The following HPS4 variants were observed in gnomAD, a reference collection of about 807,000 sequenced individuals.
HPS4 encodes the protein HPS4 biogenesis of lysosomal organelles complex 3 subunit 2, also known as BLOC-3 complex member HPS4.
In HPS4, 44 loss-of-function variants were observed where a neutral mutation model predicts 70.3. The observed-to-expected ratio is 0.63, with a 90% CI of 0.49 to 0.80. The LOEUF (loss-of-function observed/expected upper bound fraction) is 0.80. Among genes scored for constraint, HPS4 ranks in the 30% least tolerant of loss-of-function variants. The pLI, the probability that HPS4 is intolerant of heterozygous loss-of-function variation, is 0.00. For synonymous variants in HPS4, 377 were observed against 355.9 expected (o/e 1.06, Z -0.67); for missense variants, 873 against 884.4 (o/e 0.99, Z 0.16).
intron 4 of HPS4, 84 bp from the exon 5 acceptor site, chr22:26,473,023 T>C (rs568674217): frequency 5.2e-6 from 6 of 1,160,830 alleles, no homozygotes; most frequent in Admixed American, 1.7e-5. Context: ...GGCTCTCAAT[T>C]ACCTGACTTC....
chr22:26,463,189 A>G (rs147767181), intron 11 of HPS4, among the ~76,000 whole-genome samples: 1 of 152,340 alleles, frequency 6.6e-6, no homozygotes, highest in African/African-American at 2.4e-5. Context: ...AGGGAAGGTC[A>G]GTTTACCACT....
rs781082499 is a variant in HPS4 at position 26,464,158 on chromosome 22, T to C, written c.1472A>G (p.Asp491Gly). 1.2e-6 allele frequency: 2 copies of C among 1,614,238 alleles called. No individual in the cohort carries two copies. The highest frequency in any genetic ancestry group is 8.5e-7 in the Non-Finnish European group (1 of 1,180,044). ...TTCACAGACCCCATCAACATCCTCA[T>C]CCAGGCCTTGTTCCCCCGTGGGAAG... ...NKLPTGEQGL[D>G]EDVDGVCESH... is the part of the protein sequence containing the mutation. Residue 491 changes from aspartate (D) to glycine (G), a missense_variant, in exon 11 of 14, where the codon GAT (aspartate) becomes GGT (glycine). Physicochemically the swap from Asp to Gly is moderately conservative, Grantham distance 94 (BLOSUM62 -1). Transcript: ENST00000398145.
downstream of HPS4, among the ~76,000 whole-genome samples, chr22:26,447,433 T>C (rs1452272856): frequency 1.3e-5 from 2 of 152,138 alleles, no homozygotes; most frequent in Non-Finnish European, 2.9e-5. Flanking sequence ...CAAGTTTGAG[T>C]TGTGGTTTCT....
exon 4 of HPS4, chr22:26,444,511 CTG>C (rs1568987436): frequency 6.6e-6 from 1 of 152,150 alleles, no homozygotes; most frequent in African/African-American, 2.4e-5. Flanking sequence ...TAGAAATAGC[CTG>C]TGTTAGCTGA....
intron 4 of HPS4, among the ~76,000 whole-genome samples, chr22:26,473,309 T>C (rs2090094603): frequency 6.6e-6 from 1 of 152,226 alleles, no homozygotes. Context: ...GGACAGTAGA[T>C]GTTTAATCTG....
chr22:26,446,653 A>G (rs144826195), downstream of HPS4, among the ~76,000 whole-genome samples: 539 of 152,330 alleles, frequency 3.5e-3, 6 homozygotes, highest in African/African-American at 0.012. Flanking sequence ...CAGCCTGGAC[A>G]TTAAAGTCTG....
rs1465690743 is a variant in HPS4, at chr22:26,453,085, C to CA, written c.*147dup. ...TGCCCCCAAAACACATCCCAATCTG[C>CA]AAAAGGAATAACAAAAACTCAAATA... On this transcript the variant is annotated 3_prime_UTR_variant, in exon 14 of 14. Coordinates refer to ENST00000398145, the MANE Select transcript of HPS4 (RefSeq NM_022081.6). 10 of 888,094 alleles carry CA rather than the reference C, an allele frequency of 1.1e-5. No homozygotes were observed. The Admixed American group carries it at 1.3e-4, about 11-fold the overall frequency. The allele number at this position is 888,094 out of a possible 1,614,324, so 55.0% of individuals were successfully genotyped here. A position where few individuals can be genotyped will look rare whatever the true frequency, so the allele number is the denominator to read the frequency against.
chr22:26,476,912 TA>T, intron 4 of HPS4, 80 bp downstream of exon 4: 4 of 1,507,996 alleles, frequency 2.7e-6, no homozygotes, highest in Non-Finnish European at 3.7e-6. Context: ...CAGATAATTC[TA>T]AATTCAAGAC....
At chr22:26,480,516 A>G (rs992019802) in intron 2 of HPS4, among the ~76,000 whole-genome samples, 14 of 152,154 alleles carry the variant, frequency 9.2e-5, no homozygotes, top group African/African-American at 3.4e-4. Flanking sequence ...TTATGAGGCT[A>G]TAGCATAAAC....
Position 26,464,679 on chromosome 22 carries a change from A to G in HPS4, c.951T>C (p.Ala317=). 6.2e-7 allele frequency: 1 copy of G among 1,610,566 alleles called. No homozygotes were observed. Among genetic ancestry groups the G allele is most frequent in the Non-Finnish European group, 8.5e-7 (1 of 1,177,178 alleles). Residue 317 remains alanine, a synonymous_variant, in exon 11 of 14, where the codon GCT becomes GCC. Coordinates refer to ENST00000398145, the MANE Select transcript of HPS4 (RefSeq NM_022081.6). Reference sequence around the variant, plus strand: ...CGTTCTCCTTCCTGCCATCTGGACAAGCTTCGTCAGGGGATGTGGGATCTG... The same window carrying G: ...CGTTCTCCTTCCTGCCATCTGGACAGGCTTCGTCAGGGGATGTGGGATCTG... ...TTPDPTSPDE[A]CPDGRKENGC... is the part of the protein sequence containing the mutation.
intron 8 of HPS4, chr22:26,467,350 T>TA (rs1303899785): frequency 3.3e-5 from 5 of 152,340 alleles, no homozygotes; most frequent in African/African-American, 1.2e-4. Context: ...AGCAGCCAAA[T>TA]AAAACTTCAT....
chr22:26,474,502 G>A (rs2090261594), intron 4 of HPS4, among the ~76,000 whole-genome samples: 1 of 151,966 alleles, frequency 6.6e-6, no homozygotes, highest in Admixed American at 6.6e-5. Flanking sequence ...AAAAAAGGGA[G>A]ACTATCTCCT....
chr22:26,443,344 A>T, downstream of HPS4: 2 of 679,514 alleles, frequency 2.9e-6, no homozygotes, highest in South Asian at 1.8e-5. Context: ...GGGATTTTAT[A>T]TCATGTCGGG....
At chr22:26,443,152 C>T (rs764905985), downstream of HPS4, 11 of 1,614,148 alleles carry the variant, frequency 6.8e-6, no homozygotes, top group East Asian at 2.2e-5. Context: ...GGCATCCAAA[C>T]GTCGCAGCGG....
At chr22:26,457,514 T>A (rs918209983) in intron 13 of HPS4, among the ~76,000 whole-genome samples, 3 of 152,168 alleles carry the variant, frequency 2.0e-5, no homozygotes, top group African/African-American at 4.8e-5. Context: ...CCCAGCCATA[T>A]TACTTTGTAA....
chr22:26,466,773 G>A (rs1569078328), intron 8 of HPS4: 1 of 156,020 alleles, frequency 6.4e-6, no homozygotes. Context: ...CCTAAAACCT[G>A]ATGATTTTCT....
At chr22:26,453,821 AGAGT>A (rs1450746703) in intron 13 of HPS4, 1 of 273,614 alleles carries the variant, frequency 3.7e-6, no homozygotes, top group African/African-American at 2.2e-5. Flanking sequence ...CCTGAGGCTC[AGAGT>A]GAGTAGCTGG....
At chr22:26,471,621 G>A (rs1569099634) in intron 6 of HPS4, among the ~76,000 whole-genome samples, 2 of 152,344 alleles carry the variant, frequency 1.3e-5, no homozygotes, top group East Asian at 3.9e-4. Flanking sequence ...GCTACAGGAA[G>A]TTTTCCAGAC....
rs1306835654 is a variant in HPS4, at chr22:26,464,933, T to C, written c.804-107A>G. The stretch of plus-strand genomic sequence containing the variant: ...CAGGCATCAAGGACAAGGGGGTGCC[T>C]GAGGCCACAGAGCCTAAGAGGCCAC... On this transcript the variant is annotated intron_variant, in intron 10 of 13. Transcript: ENST00000398145. 21 of 1,059,572 alleles carry C rather than the reference T, an allele frequency of 2.0e-5. 1 individual carries two copies. The South Asian group carries it at 2.8e-4, about 14-fold the overall frequency. The allele number at this position is 1,059,572 out of a possible 1,614,324, so 65.6% of individuals were successfully genotyped here. A position where few individuals can be genotyped will look rare whatever the true frequency, so the allele number is the denominator to read the frequency against.
Sources: allele counts gnomAD v4.1 joint callset (sites outside exome capture counted in the v4.1 genomes callset), GRCh38; gene constraint gnomAD v4.1.1; transcripts MANE v1.5; gene names NCBI Gene and HGNC (gene_info 2026-07-23, HGNC 2026-07-21).